The following RAB38 variants were observed in gnomAD, a reference collection of about 807,000 sequenced individuals.
RAB38 encodes ras-related protein Rab-38.
RAB38 carries 15 observed loss-of-function variants against 18.4 expected under a neutral mutation model. The observed-to-expected ratio is 0.82, with a 90% confidence interval of 0.55 to 1.26. The LOEUF (loss-of-function observed/expected upper bound fraction) is 1.26. Among genes scored for constraint, RAB38 ranks in the 50% most tolerant of loss-of-function variants. The pLI is 0.00. For missense variants in RAB38, 294 were observed against 267.4 expected (o/e 1.10, Z -0.69); for synonymous variants, 101 against 104.4 (o/e 0.97, Z 0.20).
chr11:88,104,836 T>G, the RAB38 span, among the ~76,000 whole-genome samples: 1 of 152,148 alleles, frequency 6.6e-6, no homozygotes, highest in East Asian at 1.9e-4. Context: ...CCTCTCAATA[T>G]TTGTTTCCTT....
At chr11:88,076,914 GTA>G in the RAB38 span, among the ~76,000 whole-genome samples, 1 of 133,522 alleles carries the variant, frequency 7.5e-6, no homozygotes, top group Admixed American at 8.6e-5. Context: ...AGCCAGGATT[GTA>G]CCACTGCACT....
At chr11:87,941,046 T>C in the RAB38 span, among the ~76,000 whole-genome samples, 1 of 151,534 alleles carries the variant, frequency 6.6e-6, no homozygotes, top group Admixed American at 6.6e-5. Flanking sequence ...CTGTGATAGC[T>C]GTCATGGTGA....
chr11:87,959,120 G>A, the RAB38 span, among the ~76,000 whole-genome samples: 1 of 152,110 alleles, frequency 6.6e-6, no homozygotes, highest in African/African-American at 2.4e-5. Flanking sequence ...CTACCTTCAG[G>A]CTATGGGCCC....
At chr11:87,936,531 A>T in the RAB38 span, among the ~76,000 whole-genome samples, 1 of 152,070 alleles carries the variant, frequency 6.6e-6, no homozygotes, top group Non-Finnish European at 1.5e-5. Flanking sequence ...GACACACTCC[A>T]TCCATACCAC....
the RAB38 span, among the ~76,000 whole-genome samples, chr11:87,977,610 A>C: frequency 8.4e-6 from 1 of 118,490 alleles, no homozygotes; most frequent in African/African-American, 3.3e-5. Flanking sequence ...CTATACAATT[A>C]TATAATTATG....
At chr11:87,857,649 G>A in the RAB38 span, among the ~76,000 whole-genome samples, 1 of 152,046 alleles carries the variant, frequency 6.6e-6, no homozygotes, top group Non-Finnish European at 1.5e-5. Flanking sequence ...TCTTTTGGCT[G>A]CATAAATGTC....
At chr11:88,005,183 G>T in the RAB38 span, among the ~76,000 whole-genome samples, 3 of 151,308 alleles carry the variant, frequency 2.0e-5, no homozygotes, top group East Asian at 5.8e-4. Flanking sequence ...ATAACAAAAC[G>T]TTCTTGGAAA....
At chr11:87,853,394 A>G in the RAB38 span, among the ~76,000 whole-genome samples, 3 of 152,156 alleles carry the variant, frequency 2.0e-5, no homozygotes, top group Admixed American at 6.6e-5. Flanking sequence ...TTTCTCCACC[A>G]TGGGAGAACA....
chr11:88,078,016 T>G, the RAB38 span, among the ~76,000 whole-genome samples: 1 of 151,978 alleles, frequency 6.6e-6, no homozygotes, highest in Non-Finnish European at 1.5e-5. Flanking sequence ...GCAAAAGATA[T>G]GAATATACAT....
chr11:87,948,460 C>T, the RAB38 span, among the ~76,000 whole-genome samples: 1 of 151,826 alleles, frequency 6.6e-6, no homozygotes, highest in Non-Finnish European at 1.5e-5. Context: ...GAGAGGGCAT[C>T]CCTGTCTTGT....
the RAB38 span, among the ~76,000 whole-genome samples, chr11:87,896,108 T>C: frequency 1.3e-5 from 2 of 151,566 alleles, no homozygotes; most frequent in Admixed American, 1.3e-4. Context: ...TGTATAAGAG[T>C]GAACTCTACT....
At chr11:87,851,683 A>C in the RAB38 span, among the ~76,000 whole-genome samples, 1 of 152,130 alleles carries the variant, frequency 6.6e-6, no homozygotes, top group African/African-American at 2.4e-5. Context: ...AACTCATATG[A>C]GGTTGAAGTT....
At chr11:88,009,943 A>T in the RAB38 span, among the ~76,000 whole-genome samples, 2 of 152,202 alleles carry the variant, frequency 1.3e-5, no homozygotes, top group Admixed American at 6.5e-5. Context: ...CTTTGAAATG[A>T]GACCCAAATC....
At chr11:87,894,743 AT>A in the RAB38 span, among the ~76,000 whole-genome samples, 2 of 148,768 alleles carry the variant, frequency 1.3e-5, no homozygotes, top group Admixed American at 1.4e-4. Flanking sequence ...TATATAAAAA[AT>A]ATATGTATAC....
the RAB38 span, among the ~76,000 whole-genome samples, chr11:87,892,133 A>G: frequency 4.9e-4 from 75 of 151,956 alleles, no homozygotes; most frequent in African/African-American, 1.7e-3. Flanking sequence ...TGCCATGTGC[A>G]GTCTGACAGC....
chr11:87,924,065 G>A, the RAB38 span, among the ~76,000 whole-genome samples: 1 of 151,182 alleles, frequency 6.6e-6, no homozygotes, highest in East Asian at 2.0e-4. Context: ...TTTTAAATAA[G>A]ACACTTGGCA....
chr11:88,044,848 C>G, the RAB38 span, among the ~76,000 whole-genome samples: 14 of 152,090 alleles, frequency 9.2e-5, no homozygotes, highest in Non-Finnish European at 1.5e-5. Context: ...CAGGCCGAGC[C>G]AGGTCCCAAT....
chr11:87,866,704 G>T, the RAB38 span, among the ~76,000 whole-genome samples: 2 of 151,710 alleles, frequency 1.3e-5, no homozygotes, highest in East Asian at 1.9e-4. Flanking sequence ...AACTAATTGG[G>T]ATAATAGGTA....
chr11:88,127,730 G>A (rs1045405439), intron 2 of RAB38, among the ~76,000 whole-genome samples: 1 of 152,182 alleles, frequency 6.6e-6, no homozygotes, highest in South Asian at 2.1e-4. Flanking sequence ...GAATGGTTAT[G>A]ATAAGGTATT....
Sources: gnomAD v4.1 joint callset for allele counts (sites outside exome capture counted in the v4.1 genomes callset) on GRCh38, gnomAD v4.1.1 for gene constraint, MANE v1.5 for transcripts, NCBI Gene and HGNC (gene_info 2026-07-23, HGNC 2026-07-21) for gene names.